CSMD1: variants seen among roughly 807,000 people sequenced by gnomAD.
CSMD1 encodes the protein CUB and Sushi multiple domains 1, also known as CUB and sushi domain-containing protein 1.
A neutral mutation model predicts 417.5 loss-of-function variants in CSMD1; 213 were observed. The observed-to-expected ratio is 0.51, with a 90% CI of 0.46 to 0.57. The LOEUF (loss-of-function observed/expected upper bound fraction) is 0.57. CSMD1 is among the 20% of genes least tolerant of loss of function. The pLI, the probability that CSMD1 is intolerant of heterozygous loss-of-function variation, is 0.00. For missense variants in CSMD1, 6,923 were observed against 4,529.7 expected (o/e 1.53, Z -15.17); for synonymous variants, 2,862 against 1,736.8 (o/e 1.65, Z -16.11).
intron 1 of CSMD1, among the ~76,000 whole-genome samples, chr8:4,859,119 G>A (rs1049819963): frequency 2.6e-5 from 4 of 151,364 alleles, no homozygotes; most frequent in East Asian, 2.0e-4. Context: ...TCACATATCT[G>A]CAACTATCTG....
At chr8:4,029,000 A>G (rs1797206662) in intron 4 of CSMD1, among the ~76,000 whole-genome samples, 1 of 152,368 alleles carries the variant, frequency 6.6e-6, no homozygotes, top group South Asian at 2.1e-4. Context: ...TTGCTCTGAA[A>G]TATGACAACG....
At chr8:4,586,608 A>C (rs935179833) in intron 2 of CSMD1, among the ~76,000 whole-genome samples, 2 of 152,172 alleles carry the variant, frequency 1.3e-5, no homozygotes, top group Non-Finnish European at 2.9e-5. Context: ...ACTTTTGGAT[A>C]AACACTGTTC....
In CSMD1 at chr8:3,871,685, T is replaced by G. The variant is rs533580421; in HGVS notation, c.819-117643A>C. On this transcript the variant is annotated intron_variant, in intron 5 of 69. Coordinates refer to ENST00000635120, the MANE Select transcript of CSMD1 (RefSeq NM_033225.6). ...AATCTTTTCATACAGAGGTCAATCA[T>G]TTTCACCCAGGTAAATGTGTCTCAA... 1.8e-3 allele frequency among the ~76,000 whole-genome samples: 279 copies of G among 152,294 alleles called. 1 individual carries two copies. The highest frequency in any genetic ancestry group is 1.7e-3 in the Non-Finnish European group (115 of 68,030).
chr8:3,767,405 A>T (rs1388677807), intron 5 of CSMD1, among the ~76,000 whole-genome samples: 1 of 152,072 alleles, frequency 6.6e-6, no homozygotes, highest in Non-Finnish European at 1.5e-5. Context: ...GCCCTCCTAA[A>T]CCTCAGAATT....
chr8:3,421,745 G>T (rs1386383236), intron 12 of CSMD1, among the ~76,000 whole-genome samples: 1 of 152,070 alleles, frequency 6.6e-6, no homozygotes, highest in Non-Finnish European at 1.5e-5. Context: ...TCAAGCAATT[G>T]TCCTGTCTCA....
At chr8:3,446,463 A>C (rs917750812) in intron 12 of CSMD1, among the ~76,000 whole-genome samples, 1 of 152,220 alleles carries the variant, frequency 6.6e-6, no homozygotes, top group African/African-American at 2.4e-5. Context: ...TTTGTAGATA[A>C]TGAAACTGAT....
chr8:4,761,294 G>T (rs915060302), intron 1 of CSMD1, among the ~76,000 whole-genome samples: 8 of 151,854 alleles, frequency 5.3e-5, no homozygotes, highest in African/African-American at 9.7e-5. Context: ...AAATGCACAA[G>T]GGATTTTGAA....
intron 7 of CSMD1, among the ~76,000 whole-genome samples, chr8:3,641,503 G>A (rs763937378): frequency 1.3e-5 from 2 of 152,078 alleles, no homozygotes; most frequent in Non-Finnish European, 2.9e-5. Context: ...AGTATAACTC[G>A]GTCTCTTGGG....
intron 1 of CSMD1, among the ~76,000 whole-genome samples, chr8:4,945,065 C>T (rs1808278727): frequency 1.3e-5 from 2 of 152,056 alleles, no homozygotes; most frequent in African/African-American, 4.8e-5. Flanking sequence ...ATTATTTATC[C>T]TAAAAAGGAA....
intron 5 of CSMD1, among the ~76,000 whole-genome samples, chr8:3,872,228 CG>C (rs1563164379): frequency 6.6e-6 from 1 of 152,010 alleles, no homozygotes; most frequent in African/African-American, 2.4e-5. Flanking sequence ...TGGTTGTTGT[CG>C]TTGTTGTTGT....
At chr8:4,614,540 A>T (rs1034519908) in intron 2 of CSMD1, among the ~76,000 whole-genome samples, 1 of 152,192 alleles carries the variant, frequency 6.6e-6, no homozygotes, top group Non-Finnish European at 1.5e-5. Context: ...ACATAGCACA[A>T]GCGGAAGTAT....
intron 3 of CSMD1, among the ~76,000 whole-genome samples, chr8:4,191,173 G>C (rs1191688278): frequency 1.3e-5 from 2 of 152,134 alleles, no homozygotes; most frequent in Non-Finnish European, 2.9e-5. Context: ...GAGGCAGGTG[G>C]ATCACGACGT....
intron 3 of CSMD1, among the ~76,000 whole-genome samples, chr8:4,381,220 G>A (rs148783657): frequency 7.2e-5 from 11 of 152,254 alleles, no homozygotes; most frequent in East Asian, 1.9e-4. Flanking sequence ...GATTTAAAAT[G>A]CTGTCCCAGT....
intron 3 of CSMD1, among the ~76,000 whole-genome samples, chr8:4,060,968 G>C (rs559209587): frequency 7.8e-4 from 119 of 152,292 alleles, no homozygotes; most frequent in Non-Finnish European, 1.2e-3. Flanking sequence ...GGAGGAAAGA[G>C]ATAAGACAAG....
intron 1 of CSMD1, among the ~76,000 whole-genome samples, chr8:4,754,016 C>T (rs1323759102): frequency 6.6e-6 from 1 of 152,052 alleles, no homozygotes; most frequent in South Asian, 2.1e-4. Flanking sequence ...GCTAAAGATT[C>T]GCTTTGAAGG....
At chr8:4,745,093 G>T (rs7846228) in intron 1 of CSMD1, among the ~76,000 whole-genome samples, 2 of 151,890 alleles carry the variant, frequency 1.3e-5, no homozygotes, top group Admixed American at 1.3e-4. Flanking sequence ...CGAGAAATGC[G>T]TAAGAATGGC....
chr8:3,819,501 G>A (rs543295583), intron 5 of CSMD1, among the ~76,000 whole-genome samples: 2 of 151,626 alleles, frequency 1.3e-5, no homozygotes, highest in South Asian at 4.2e-4. Flanking sequence ...TATTCTCCAA[G>A]AATGCTGGAG....
chr8:4,586,661 CTT>C (rs1799715778), intron 2 of CSMD1, among the ~76,000 whole-genome samples: 1 of 152,132 alleles, frequency 6.6e-6, no homozygotes, highest in South Asian at 2.1e-4. Flanking sequence ...ACTAAAATCC[CTT>C]TTTGTTTTAT....
intron 5 of CSMD1, among the ~76,000 whole-genome samples, chr8:3,757,682 G>C (rs558092233): frequency 6.6e-6 from 1 of 152,108 alleles, no homozygotes; most frequent in East Asian, 2.0e-4. Context: ...GGCCAACATG[G>C]TGAAACCCTG....
Sources: allele counts gnomAD v4.1 joint callset (sites outside exome capture counted in the v4.1 genomes callset), GRCh38; gene constraint gnomAD v4.1.1; transcripts MANE v1.5; gene names NCBI Gene and HGNC (gene_info 2026-07-23, HGNC 2026-07-21).